CRADD: variants seen among roughly 807,000 people sequenced by gnomAD.
The protein encoded by CRADD is death domain-containing protein CRADD.
A neutral mutation model predicts 15.5 loss-of-function variants in CRADD; 9 were observed. The ratio of observed to expected loss-of-function variants is 0.58; its 90% CI spans 0.35 to 1.01. The LOEUF is 1.01. Among genes scored for constraint, CRADD ranks in the 50% least tolerant of loss-of-function variants. The probability of loss-of-function intolerance (pLI) is 0.02; values close to 1 mark genes in which losing one functional copy is unlikely to be tolerated. For missense variants in CRADD, 227 were observed against 250.3 expected (o/e 0.91, Z 0.63); for synonymous variants, 118 against 107.6 (o/e 1.10, Z -0.60).
chr12:93,745,855 T>G (rs1044708594), intron 2 of CRADD, among the ~76,000 whole-genome samples: 1 of 152,194 alleles, frequency 6.6e-6, no homozygotes, highest in Admixed American at 6.5e-5. Flanking sequence ...AATGGATCCA[T>G]GCCAGTACAT....
intron 2 of CRADD, among the ~76,000 whole-genome samples, chr12:93,812,411 A>G (rs547707923): frequency 6.6e-6 from 1 of 152,286 alleles, no homozygotes; most frequent in South Asian, 2.1e-4. Context: ...ACTTCAAAAA[A>G]AATTCATAAT....
At chr12:93,820,200 C>T (rs1167223717) in intron 2 of CRADD, among the ~76,000 whole-genome samples, 2 of 152,196 alleles carry the variant, frequency 1.3e-5, no homozygotes, top group African/African-American at 4.8e-5. Flanking sequence ...CTGCCTCCAT[C>T]TGAGTTCAAG....
At chr12:93,742,782 CTTG>C (rs371506033) in intron 2 of CRADD, among the ~76,000 whole-genome samples, 15 of 152,244 alleles carry the variant, frequency 9.9e-5, no homozygotes, top group African/African-American at 3.4e-4. Context: ...CCGGCAATTT[CTTG>C]TTGTGTCCCG....
intron 2 of CRADD, among the ~76,000 whole-genome samples, chr12:93,721,472 C>T (rs575381267): frequency 1.6e-3 from 246 of 150,008 alleles, no homozygotes; most frequent in African/African-American, 5.1e-3. Flanking sequence ...TATATATATA[C>T]ACACACAGCC....
intron 2 of CRADD, among the ~76,000 whole-genome samples, chr12:93,861,241 G>T (rs1958317304): frequency 6.6e-6 from 1 of 152,128 alleles, no homozygotes; most frequent in Non-Finnish European, 1.5e-5. Flanking sequence ...TGACATGATG[G>T]CTTTGAGCAG....
chr12:93,767,289 C>T (rs1957036401), intron 2 of CRADD, among the ~76,000 whole-genome samples: 1 of 152,186 alleles, frequency 6.6e-6, no homozygotes, highest in African/African-American at 2.4e-5. Context: ...TCCTTTAAGC[C>T]TTAATTGGAG....
chr12:93,778,160 C>T (rs1278823463), intron 2 of CRADD, among the ~76,000 whole-genome samples: 1 of 152,144 alleles, frequency 6.6e-6, no homozygotes, highest in African/African-American at 2.4e-5. Context: ...ATGCTTTATT[C>T]TCTAAAAACT....
chr12:93,807,014 A>AGG (rs1439048860), intron 2 of CRADD, among the ~76,000 whole-genome samples: 10 of 152,154 alleles, frequency 6.6e-5, no homozygotes, highest in Admixed American at 4.6e-4. Context: ...AGGGAGAGAC[A>AGG]GAAAGTGCTA....
chr12:93,678,203 T>C (rs1307924990), intron 1 of CRADD, among the ~76,000 whole-genome samples: 1 of 152,222 alleles, frequency 6.6e-6, no homozygotes, highest in East Asian at 1.9e-4. Flanking sequence ...TTAAAGGTGA[T>C]CGTGTAGAGG....
intron 2 of CRADD, chr12:93,738,587 CT>C: frequency 1.5e-6 from 1 of 645,172 alleles, no homozygotes. Flanking sequence ...CCGCCACCCC[CT>C]GCACCACACG....
Position 93,814,307 on chromosome 12 carries a change from GT to G in CRADD, c.299-35656del. On this transcript the variant is annotated intron_variant, in intron 2 of 2. Transcript: ENST00000332896. The stretch of plus-strand genomic sequence containing the variant: ...TGGATTTTTCATTCTGAGATAAGCA[GT>G]TTTTTTGTGGGGGCGGGGGAGGTGG... 1.3e-5 allele frequency among the ~76,000 whole-genome samples: 2 copies of G among 152,032 alleles called. 1 individual carries two copies. The highest frequency in any genetic ancestry group is 6.8e-3 in the Middle Eastern group (2 of 294).
chr12:93,724,560 T>A (rs1303332411), intron 2 of CRADD, among the ~76,000 whole-genome samples: 2 of 152,168 alleles, frequency 1.3e-5, no homozygotes, highest in Non-Finnish European at 2.9e-5. Context: ...AGTGGCGACT[T>A]TTCAGCTCCT....
At chr12:93,823,428 T>A (rs1393403051) in intron 2 of CRADD, among the ~76,000 whole-genome samples, 2 of 152,190 alleles carry the variant, frequency 1.3e-5, no homozygotes, top group African/African-American at 2.4e-5. Context: ...ATTAATAAGT[T>A]AGCTCCATCC....
intron 2 of CRADD, among the ~76,000 whole-genome samples, chr12:93,836,831 C>T (rs1270334688): frequency 6.6e-6 from 1 of 152,222 alleles, no homozygotes; most frequent in African/African-American, 2.4e-5. Flanking sequence ...ATGGACAAAG[C>T]TCCCCTGCCT....
chr12:93,817,890 A>G (rs1384289072), intron 2 of CRADD, among the ~76,000 whole-genome samples: 1 of 151,550 alleles, frequency 6.6e-6, no homozygotes. Context: ...TACTGTTGCA[A>G]CCTTAACCTG....
At chr12:93,801,797 GT>G (rs1957479126) in intron 2 of CRADD, among the ~76,000 whole-genome samples, 1 of 152,028 alleles carries the variant, frequency 6.6e-6, no homozygotes, top group Non-Finnish European at 1.5e-5. Flanking sequence ...TAGTGCACCC[GT>G]CACTTGAGCA....
chr12:93,849,764 C>T (rs892319483), intron 2 of CRADD, among the ~76,000 whole-genome samples: 1 of 149,048 alleles, frequency 6.7e-6, no homozygotes, highest in Non-Finnish European at 1.5e-5. Context: ...AAAAAAGTTT[C>T]TGTAAAAACA....
chr12:93,793,380 T>G (rs1386390232), intron 2 of CRADD, among the ~76,000 whole-genome samples: 1 of 152,208 alleles, frequency 6.6e-6, no homozygotes, highest in African/African-American at 2.4e-5. Context: ...CCTCTATCCT[T>G]TATAAAAATG....
At chr12:93,863,949 C>T (rs1418104941) in intron 2 of CRADD, among the ~76,000 whole-genome samples, 1 of 151,888 alleles carries the variant, frequency 6.6e-6, no homozygotes, top group Admixed American at 6.6e-5. Context: ...TTTTACAGTA[C>T]CCATAAAAAT....
Sources: gnomAD v4.1 joint callset for allele counts (sites outside exome capture counted in the v4.1 genomes callset) on GRCh38, gnomAD v4.1.1 for gene constraint, MANE v1.5 for transcripts, NCBI Gene and HGNC (gene_info 2026-07-23, HGNC 2026-07-21) for gene names.